Variants in MRPL45 observed in about 807,000 individuals in gnomAD.
MRPL45 encodes the protein large ribosomal subunit protein mL45.
MRPL45 carries 20 observed loss-of-function variants against 38.1 expected under a neutral mutation model. That is an observed-to-expected ratio of 0.53 (90% CI 0.37 to 0.76). The LOEUF (loss-of-function observed/expected upper bound fraction) is 0.76, where lower values mean the gene tolerates loss of function less well. MRPL45 is among the 30% of genes least tolerant of loss of function. MRPL45 has a pLI of 0.00. For missense variants in MRPL45, 337 were observed against 395.6 expected, an observed-to-expected ratio of 0.85 and a Z score of 1.26; for synonymous variants, 105 against 128.8, an observed-to-expected ratio of 0.82 and a Z score of 1.25.
chr17:38,306,015 T>C (rs1284716383), intron 3 of MRPL45, among the ~76,000 whole-genome samples: 15 of 152,134 alleles, frequency 9.9e-5, no homozygotes, highest in Non-Finnish European at 1.8e-4. Flanking sequence ...TTATCTTTGA[T>C]TCTAGAATTC....
chr17:38,303,290 ATTTTT>A (rs776250748), intron 3 of MRPL45, among the ~76,000 whole-genome samples: 2 of 103,432 alleles, frequency 1.9e-5, no homozygotes, highest in African/African-American at 4.2e-5. Context: ...AAAACATTAA[ATTTTT>A]TTTTTTTTTT....
intron 4 of MRPL45, among the ~76,000 whole-genome samples, chr17:38,309,064 G>A (rs1376293817): frequency 7.3e-5 from 11 of 150,320 alleles, no homozygotes; most frequent in Non-Finnish European, 1.2e-4. Flanking sequence ...CTGCCACCAC[G>A]CCCAGCTAAT....
chr17:38,305,468 C>CAA (rs570891836), intron 3 of MRPL45, among the ~76,000 whole-genome samples: 13 of 112,440 alleles, frequency 1.2e-4, no homozygotes, highest in African/African-American at 3.1e-4. Flanking sequence ...GACTCTGTCT[C>CAA]AAAAAAAAAA....
intron 4 of MRPL45, among the ~76,000 whole-genome samples, chr17:38,313,309 A>ATAT (rs1555561983): frequency 5.1e-5 from 1 of 19,618 alleles, no homozygotes; most frequent in African/African-American, 2.5e-4. Context: ...AAAAAAAAAA[A>ATAT]AAATATATAT....
In MRPL45 at chr17:38,322,173, A is replaced by G. The variant is rs776110200; in HGVS notation, c.708A>G (p.Glu236=). ...TTGGCCGGTTGATGTATGGACAGGAAGATGTACCCAAGGATGTCCTGGAGT... is the reference window on the plus strand; with the variant it reads ...TTGGCCGGTTGATGTATGGACAGGAGGATGTACCCAAGGATGTCCTGGAGT... The part of the protein sequence containing the change: ...DRFGRLMYGQ[E]DVPKDVLEYV... Residue 236 remains glutamate, a synonymous_variant, in exon 7 of 8, where the codon GAA becomes GAG. Transcript: ENST00000613675. 20 of 1,614,048 alleles carry G rather than the reference A, an allele frequency of 1.2e-5. No individual in the cohort carries two copies. In the Admixed American group the frequency reaches 2.8e-4, roughly 23 times the overall value.
At chr17:38,317,444 GAA>G (rs1186420240) in intron 4 of MRPL45, among the ~76,000 whole-genome samples, 1 of 152,140 alleles carries the variant, frequency 6.6e-6, no homozygotes, top group Admixed American at 6.6e-5. Flanking sequence ...GTAAACTGGG[GAA>G]AAGTCGTGTG....
rs72832272 is a variant in MRPL45 at position 38,317,382 on chromosome 17, G to A, written c.462-1305G>A. On this transcript the variant is annotated intron_variant, in intron 4 of 7. Coordinates refer to ENST00000613675, the MANE Select transcript of MRPL45 (RefSeq NM_032351.6). Reference sequence around the variant, plus strand: ...TTAGAACTAATCCCTTACCCATTCTGGGCTTAGAGAGCAAGATTTTTCAAA... The same window carrying A: ...TTAGAACTAATCCCTTACCCATTCTAGGCTTAGAGAGCAAGATTTTTCAAA... 1.3e-3 allele frequency among the ~76,000 whole-genome samples: 191 copies of A among 152,238 alleles called. 1 individual carries two copies. Among genetic ancestry groups the A allele is most frequent in the Non-Finnish European group, 2.4e-3 (161 of 68,014 alleles).
chr17:38,304,567 G>A (rs1165850187), intron 3 of MRPL45, among the ~76,000 whole-genome samples: 1 of 151,784 alleles, frequency 6.6e-6, no homozygotes, highest in African/African-American at 2.4e-5. Flanking sequence ...TTTTTGAGAC[G>A]GAGTCTCACT....
chr17:38,317,638 C>A (rs1363481320), intron 4 of MRPL45, among the ~76,000 whole-genome samples: 1 of 151,884 alleles, frequency 6.6e-6, no homozygotes, highest in African/African-American at 2.4e-5. Flanking sequence ...GTGGCGTGAT[C>A]TCAGCTCACC....
intron 4 of MRPL45, among the ~76,000 whole-genome samples, chr17:38,310,151 T>C (rs906941055): frequency 7.0e-6 from 1 of 142,824 alleles, no homozygotes; most frequent in Non-Finnish European, 1.5e-5. Context: ...TTTTTTAGTG[T>C]GTCCAGATCT....
intron 4 of MRPL45, among the ~76,000 whole-genome samples, chr17:38,307,182 C>T (rs922042454): frequency 7.9e-5 from 12 of 151,980 alleles, no homozygotes; most frequent in Admixed American, 7.9e-4. Flanking sequence ...TACAGGTGCA[C>T]GCCACCACAT....
intron 1 of MRPL45, among the ~76,000 whole-genome samples, chr17:38,297,933 C>A (rs529048105): frequency 2.2e-4 from 34 of 152,206 alleles, no homozygotes; most frequent in African/African-American, 7.7e-4. Flanking sequence ...CTGGTCTTTA[C>A]AAAAAAATTT....
chr17:38,300,040 C>T (rs577012979), intron 3 of MRPL45, among the ~76,000 whole-genome samples: 1 of 149,806 alleles, frequency 6.7e-6, no homozygotes, highest in Non-Finnish European at 1.5e-5. Context: ...ACGCCCAGCC[C>T]TTTATTTATT....
chr17:38,309,599 C>A (rs2037090317), intron 4 of MRPL45, among the ~76,000 whole-genome samples: 1 of 135,016 alleles, frequency 7.4e-6, no homozygotes, highest in African/African-American at 2.7e-5. Context: ...CTATGGGTAT[C>A]TGTCTTCTTA....
At chr17:38,316,535 TGTG>T (rs1448152202) in intron 4 of MRPL45, among the ~76,000 whole-genome samples, 1 of 151,770 alleles carries the variant, frequency 6.6e-6, no homozygotes, top group Non-Finnish European at 1.5e-5. Context: ...TTTGGTCAGG[TGTG>T]GTGGCTCATG....
intron 3 of MRPL45, among the ~76,000 whole-genome samples, chr17:38,303,636 T>C (rs1256938620): frequency 6.6e-6 from 1 of 152,014 alleles, no homozygotes; most frequent in Non-Finnish European, 1.5e-5. Flanking sequence ...AAGAAATCCC[T>C]CCTGGAGTCT....
At position 38,313,314 on chromosome 17, in the gene MRPL45, A is replaced by ATATATATATATATATATATATACG. The variant is rs1597652555; in HGVS notation, c.462-5355_462-5354insTATACGTATATATATATATATATA. 0.015 allele frequency among the ~76,000 whole-genome samples: 21 copies of ATATATATATATATATATATATACG among 1,428 alleles called. 1 individual carries two copies. The East Asian group carries it at 0.23, about 16-fold the overall frequency. The allele number at this position is 1,428 out of a possible 152,430, so 0.9% of individuals were successfully genotyped here. On this transcript the variant is annotated intron_variant, in intron 4 of 7. Coordinates refer to ENST00000613675, the MANE Select transcript of MRPL45 (RefSeq NM_032351.6). Reference sequence around the variant, plus strand: ...CTTTCTATTAAAAAAAAAAAAAAATATATATATATATATATATACATATAT... The same window carrying ATATATATATATATATATATATACG: ...CTTTCTATTAAAAAAAAAAAAAAATATATATATATATATATATATATACGTATATATATATATATATACATATAT...
intron 3 of MRPL45, among the ~76,000 whole-genome samples, chr17:38,302,011 G>A (rs1250325781): frequency 6.6e-6 from 1 of 151,766 alleles, no homozygotes; most frequent in Non-Finnish European, 1.5e-5. Flanking sequence ...CAGCTACTCA[G>A]GAGGCTGAGG....
intron 4 of MRPL45, among the ~76,000 whole-genome samples, chr17:38,317,509 A>G (rs772861109): frequency 6.6e-5 from 10 of 151,636 alleles, no homozygotes; most frequent in Non-Finnish European, 1.0e-4. Context: ...TCAGCTAGGA[A>G]CCCTCCTAAA....
Sources: allele counts gnomAD v4.1 joint callset (sites outside exome capture counted in the v4.1 genomes callset), GRCh38; gene constraint gnomAD v4.1.1; transcripts MANE v1.5; gene names NCBI Gene and HGNC (gene_info 2026-07-23, HGNC 2026-07-21).